PIEZO1: variants seen among roughly 807,000 people sequenced by gnomAD.
PIEZO1 encodes the protein piezo type mechanosensitive ion channel component 1 (Er blood group).
In PIEZO1, 296 loss-of-function variants were observed where a neutral mutation model predicts 297.2. That is an observed-to-expected ratio of 1.00 (90% CI 0.91 to 1.10). The LOEUF is 1.10. PIEZO1 is among the 50% of genes least tolerant of loss of function. PIEZO1 has a pLI of 0.00. For missense variants in PIEZO1, 5,018 were observed against 3,455.5 expected (o/e 1.45, Z -11.34); for synonymous variants, 2,427 against 1,507.5 (o/e 1.61, Z -14.13).
intron 1 of PIEZO1, among the ~76,000 whole-genome samples, chr16:88,765,067 G>A (rs977169504): frequency 1.7e-4 from 26 of 152,248 alleles, no homozygotes; most frequent in Non-Finnish European, 3.5e-4. Flanking sequence ...AGAAGATGGG[G>A]TGCTGACTCA....
In PIEZO1 at chr16:88,732,660, G is replaced by C; in HGVS notation, c.2737C>G (p.Pro913Ala). Residue 913 changes from proline (P) to alanine (A), a missense_variant, in exon 20 of 51, where the codon CCT (proline) becomes GCT (alanine). Physicochemically the swap from Pro to Ala is conservative, Grantham distance 27 (BLOSUM62 -1). Coordinates refer to ENST00000301015, the MANE Select transcript of PIEZO1 (RefSeq NM_001142864.4). ...QSLLYRGPVD[P>A]ANWFGVRKGF... ...TTCCGCACCCCAAACCAGTTGGCAG[G>C]GTCCACGGGCCCCCGGTACAGCAGG... 7 of 1,549,688 alleles carry C rather than the reference G, an allele frequency of 4.5e-6. No homozygotes were observed. Among genetic ancestry groups the C allele is most frequent in the Non-Finnish European group, 5.2e-6 (6 of 1,146,546 alleles).
intron 1 of PIEZO1, among the ~76,000 whole-genome samples, chr16:88,782,312 A>G (rs535600760): frequency 6.6e-6 from 1 of 152,116 alleles, no homozygotes; most frequent in South Asian, 2.1e-4. Flanking sequence ...GGGGATCTCT[A>G]CGTTGCCCAG....
intron 1 of PIEZO1, among the ~76,000 whole-genome samples, chr16:88,776,889 C>T (rs925612820): frequency 1.3e-5 from 2 of 152,200 alleles, no homozygotes; most frequent in Non-Finnish European, 2.9e-5. Flanking sequence ...ATTCCCCGCC[C>T]GGCAGGAGAT....
In PIEZO1 at chr16:88,733,467, G is replaced by C; in HGVS notation, c.2488-13C>G. On this transcript the variant is annotated splice_polypyrimidine_tract_variant and intron_variant, in intron 18 of 50. Transcript: ENST00000301015. ...TCATCACCGACACCTGAGGGCAGTG[G>C]GCACGTGGGGCTGGGCTTGGGGAGG... 2 of 1,543,274 alleles carry C rather than the reference G, an allele frequency of 1.3e-6. No individual in the cohort carries two copies. Among genetic ancestry groups the C allele is most frequent in the Non-Finnish European group, 1.8e-6 (2 of 1,141,356 alleles).
chr16:88,784,508 A>C (rs1304776475), intron 1 of PIEZO1, among the ~76,000 whole-genome samples: 1 of 151,672 alleles, frequency 6.6e-6, no homozygotes, highest in African/African-American at 2.4e-5. Context: ...TTAAACCCGA[A>C]AGAGAAAAAG....
At position 88,720,273 on chromosome 16, in the gene PIEZO1, G is replaced by C; in HGVS notation, c.5960C>G (p.Ala1987Gly). ...FGFWAFGKHS[A>G]ATDITSSLSD... ...TAGGGAGGACGTGATGTCTGTGGCC[G>C]CCGAGTGCTTCTGTGGCCAGGAGAG... is the stretch of plus-strand genomic sequence containing the variant. The change falls in exon 42 of 51, where the codon GCG becomes GGG. Residue 1987 changes from alanine (A) to glycine (G), a missense_variant. Physicochemically the swap from Ala to Gly is moderately conservative, Grantham distance 60. Coordinates refer to ENST00000301015, the MANE Select transcript of PIEZO1 (RefSeq NM_001142864.4). 1 of 1,550,352 alleles carries C rather than the reference G, an allele frequency of 6.5e-7. No individual in the cohort carries two copies. Among genetic ancestry groups the C allele is most frequent in the Non-Finnish European group, 8.7e-7 (1 of 1,146,926 alleles).
intron 27 of PIEZO1, 128 bp from the exon 28 acceptor site, chr16:88,725,812 C>T (rs1183581295): frequency 3.2e-6 from 2 of 634,284 alleles, no homozygotes; most frequent in African/African-American, 3.7e-5. Context: ...ACAAGAGGCA[C>T]CCACGGGGGA....
intron 1 of PIEZO1, among the ~76,000 whole-genome samples, chr16:88,761,058 C>G (rs530386260): frequency 1.2e-4 from 19 of 152,370 alleles, no homozygotes; most frequent in Non-Finnish European, 2.6e-4. Flanking sequence ...CAGCCCGCAG[C>G]CCCTGGAGGG....
intron 29 of PIEZO1, 95 bp downstream of exon 29, chr16:88,725,321 T>C: frequency 3.6e-6 from 3 of 824,500 alleles, no homozygotes; most frequent in Non-Finnish European, 5.5e-6. Context: ...CTGGGAGCCC[T>C]GTGGGACGTC....
At chr16:88,726,511 C>G in intron 26 of PIEZO1, 36 bp downstream of exon 26, 1 of 1,546,452 alleles carries the variant, frequency 6.5e-7, no homozygotes, top group Non-Finnish European at 8.7e-7. Context: ...AGGGGGCTTC[C>G]CCACGCCCTC....
intron 19 of PIEZO1, 127 bp from the exon 20 acceptor site, chr16:88,732,859 C>G: frequency 1.0e-6 from 1 of 982,016 alleles, no homozygotes; most frequent in Non-Finnish European, 1.5e-6. Context: ...CGGGGGCTGC[C>G]AGCCTTGGAG....
At chr16:88,753,208 A>G (rs1224435305) in intron 1 of PIEZO1, among the ~76,000 whole-genome samples, 22 of 91,208 alleles carry the variant, frequency 2.4e-4, no homozygotes, top group South Asian at 9.6e-4. Flanking sequence ...CGCCCCCCAG[A>G]GCACACCTGT....
intron 36 of PIEZO1, 67 bp from the exon 37 acceptor site, chr16:88,722,133 G>T: frequency 6.6e-7 from 1 of 1,522,026 alleles, no homozygotes; most frequent in Non-Finnish European, 8.8e-7. Context: ...CCGATCTGTT[G>T]CCGGTCACAG....
chr16:88,715,857 G>A lies in PIEZO1; in HGVS notation c.7317-3C>T, dbSNP rs1418276619. The A allele has an allele frequency of 5.8e-6, 9 of 1,549,292 alleles. No individual in the cohort carries two copies. In the South Asian group the frequency reaches 5.9e-5, roughly 10 times the overall value. On this transcript the variant is annotated splice_region_variant and splice_polypyrimidine_tract_variant and intron_variant, in intron 50 of 50. Coordinates refer to ENST00000301015, the MANE Select transcript of PIEZO1 (RefSeq NM_001142864.4). ...TGGACACGTACAGCCCCATGATGCT[G>A]CGGGGGAAGCTGGTGAGTCCTGGGG...
chr16:88,732,468 C>A lies in PIEZO1; in HGVS notation c.2858G>T (p.Arg953Leu). Residue 953 changes from arginine (R) to leucine (L), a missense_variant, in exon 21 of 51, where the codon CGC (arginine) becomes CTC (leucine). Arg to Leu is a moderately radical substitution (Grantham distance 102, BLOSUM62 -2). Coordinates refer to ENST00000301015, the MANE Select transcript of PIEZO1 (RefSeq NM_001142864.4). ...AIVYRRQEHYRRQHQLAPLPA... is the reference protein window; with the variant it reads ...AIVYRRQEHYLRQHQLAPLPA... ...CAGCGGGGCCAGCTGGTGCTGCCGG[C>A]GGTAGTGCTCCTGGCGCCGGTACAC... 1 of 1,549,348 alleles carries A rather than the reference C, an allele frequency of 6.5e-7. No homozygotes were observed.
intron 10 of PIEZO1, 157 bp downstream of exon 10, chr16:88,737,402 C>T (rs951608571): frequency 1.4e-5 from 8 of 589,358 alleles, no homozygotes; most frequent in Admixed American, 6.3e-5. Flanking sequence ...TCTCGGGGGT[C>T]ACTGACACCG....
rs545100793 is a variant in PIEZO1, at chr16:88,742,928, G to A, written c.161-506C>T. Reference sequence around the variant, plus strand: ...GTGGGGCAGGCAGCTGCCTCCCTGGGGCTGAGGGGCTGCAAGGAGAAGTTG... The same window carrying A: ...GTGGGGCAGGCAGCTGCCTCCCTGGAGCTGAGGGGCTGCAAGGAGAAGTTG... On this transcript the variant is annotated intron_variant, in intron 2 of 50. Transcript: ENST00000301015. 3.1e-5 allele frequency: 12 copies of A among 387,016 alleles called. No homozygotes were observed. In the East Asian group the frequency reaches 8.7e-4, roughly 28 times the overall value. 24.0% of individuals were successfully genotyped at this position (387,016 alleles called of 1,614,324 possible).
chr16:88,775,480 G>A (rs1161390981), intron 1 of PIEZO1, among the ~76,000 whole-genome samples: 1 of 152,184 alleles, frequency 6.6e-6, no homozygotes, highest in Non-Finnish European at 1.5e-5. Context: ...TGTAATCCCA[G>A]CACTTTGGGA....
chr16:88,749,255 T>A (rs979556030), intron 2 of PIEZO1, 129 bp downstream of exon 2: 128 of 541,912 alleles, frequency 2.4e-4, no homozygotes, highest in East Asian at 4.8e-4. Context: ...AAAAAAAAAA[T>A]TTTATTTCGG....
Sources: gnomAD v4.1 joint callset for allele counts (sites outside exome capture counted in the v4.1 genomes callset) on GRCh38, gnomAD v4.1.1 for gene constraint, MANE v1.5 for transcripts, NCBI Gene and HGNC (gene_info 2026-07-23, HGNC 2026-07-21) for gene names.